ARHGAP42: variants seen among roughly 807,000 people sequenced by gnomAD.
ARHGAP42 encodes the protein rho GTPase-activating protein 42.
A neutral mutation model predicts 125.0 loss-of-function variants in ARHGAP42; 63 were observed. The observed-to-expected ratio is 0.50, with a 90% CI of 0.41 to 0.62. The LOEUF (loss-of-function observed/expected upper bound fraction) is 0.62, where lower values mean the gene tolerates loss of function less well. ARHGAP42 is among the 20% of genes least tolerant of loss of function. The probability of loss-of-function intolerance (pLI) is 0.00; values close to 1 mark genes in which losing one functional copy is unlikely to be tolerated. For synonymous variants in ARHGAP42, 339 were observed against 351.0 expected (o/e 0.97, Z 0.38); for missense variants, 766 against 1,024.2 (o/e 0.75, Z 3.44).
chr11:100,983,979 G>T (rs549860092), intron 22 of ARHGAP42, among the ~76,000 whole-genome samples: 1 of 152,174 alleles, frequency 6.6e-6, no homozygotes, highest in South Asian at 2.1e-4. Flanking sequence ...TAATTGGCAC[G>T]GTGGTGTGCA....
chr11:100,960,066 G>A lies in ARHGAP42; in HGVS notation c.1225+121G>A, dbSNP rs1402857728. 6 of 851,156 alleles carry A rather than the reference G, an allele frequency of 7.0e-6. No individual in the cohort carries two copies. In the Admixed American group the frequency reaches 9.6e-5, roughly 14 times the overall value. 52.7% of individuals were successfully genotyped at this position (851,156 alleles called of 1,614,324 possible). On this transcript the variant is annotated intron_variant, in intron 13 of 23. Coordinates refer to ENST00000298815, the MANE Select transcript of ARHGAP42 (RefSeq NM_152432.4). ...TCATTAACATGGATTAATTTTAAGAGTAATATAAATGTATGTATCGGTATA... is the reference window on the plus strand; with the variant it reads ...TCATTAACATGGATTAATTTTAAGAATAATATAAATGTATGTATCGGTATA...
intron 11 of ARHGAP42, among the ~76,000 whole-genome samples, chr11:100,948,764 T>G (rs1295365178): frequency 1.3e-5 from 2 of 152,086 alleles, no homozygotes; most frequent in Non-Finnish European, 2.9e-5. Flanking sequence ...TTTAAAACCC[T>G]AAAATTACTT....
At chr11:100,850,089 C>A (rs1255563866) in intron 3 of ARHGAP42, among the ~76,000 whole-genome samples, 1 of 152,132 alleles carries the variant, frequency 6.6e-6, no homozygotes, top group Non-Finnish European at 1.5e-5. Flanking sequence ...CAAGAACAAT[C>A]ATCATTATTC....
At chr11:100,962,931 T>G (rs17726649) in intron 16 of ARHGAP42, among the ~76,000 whole-genome samples, 16,216 of 152,224 alleles carry the variant, frequency 0.11, 1,068 homozygotes, top group Non-Finnish European at 0.13. Flanking sequence ...TTATAATGTG[T>G]TTTAGAAGCC....
intron 1 of ARHGAP42, among the ~76,000 whole-genome samples, chr11:100,749,955 T>C (rs1007968808): frequency 6.6e-6 from 1 of 152,168 alleles, no homozygotes; most frequent in Non-Finnish European, 1.5e-5. Context: ...GCTGGCCAGT[T>C]TCTTTCCGCG....
intron 1 of ARHGAP42, among the ~76,000 whole-genome samples, chr11:100,701,729 C>T (rs1282171532): frequency 6.6e-6 from 1 of 152,192 alleles, no homozygotes; most frequent in African/African-American, 2.4e-5. Flanking sequence ...AATATTGTGG[C>T]TGGTTTCATC....
At position 100,974,463 on chromosome 11, in the gene ARHGAP42, T is replaced by C. The variant is rs1295937323; in HGVS notation, c.1715T>C (p.Phe572Ser). The change falls in exon 19 of 24, where the codon TTT (phenylalanine) becomes TCT (serine). Residue 572 changes from phenylalanine (F) to serine (S), a missense_variant. Around this residue, in one of 3 missense-constraint regions of ARHGAP42, gnomAD observed 308 missense variants for 369.7 expected, o/e 0.83. Transcript: ENST00000298815. ...GTCCATTTTTCTTATACGTAGATTT[T>C]TCATACTGCTCCAGACCCAAGCATT... ...EILIEHYEKIFHTAPDPSIPL... is the reference protein window; with the variant it reads ...EILIEHYEKISHTAPDPSIPL... 6.5e-7 allele frequency: 1 copy of C among 1,548,326 alleles called. No individual in the cohort carries two copies. The highest frequency in any genetic ancestry group is 2.0e-5 in the Admixed American group (1 of 50,642).
At chr11:100,723,417 A>G (rs1019958115) in intron 1 of ARHGAP42, among the ~76,000 whole-genome samples, 8 of 152,198 alleles carry the variant, frequency 5.3e-5, no homozygotes, top group African/African-American at 1.9e-4. Flanking sequence ...GAAACATAGA[A>G]TATCTCTCCA....
chr11:100,882,618 A>G (rs2135178808), intron 4 of ARHGAP42, among the ~76,000 whole-genome samples: 1 of 152,046 alleles, frequency 6.6e-6, no homozygotes, highest in East Asian at 1.9e-4. Flanking sequence ...GCCTCATAGA[A>G]TGATTTAAGG....
intron 2 of ARHGAP42, among the ~76,000 whole-genome samples, chr11:100,794,181 A>C (rs922763772): frequency 6.9e-6 from 1 of 145,438 alleles, no homozygotes; most frequent in Non-Finnish European, 1.5e-5. Flanking sequence ...TTAATTATTC[A>C]TTTTAAGCAT....
chr11:100,687,600 C>T lies in ARHGAP42; in HGVS notation c.-79C>T, dbSNP rs554676478. 126 of 1,144,056 alleles carry T rather than the reference C, an allele frequency of 1.1e-4. 2 individuals are homozygous for T. In the African/African-American group the frequency reaches 1.8e-3, roughly 16 times the overall value. The allele number at this position is 1,144,056 out of a possible 1,614,324, so 70.9% of individuals were successfully genotyped here. ...TCCCCGCGATCGCGCGACCCCAGCG[C>T]CCGCCGCGGCCGCCGGCTGCCCCCG... On this transcript the variant is annotated 5_prime_UTR_variant, in exon 1 of 24. Coordinates refer to ENST00000298815, the MANE Select transcript of ARHGAP42 (RefSeq NM_152432.4).
Position 100,918,612 on chromosome 11 carries a change from A to C in ARHGAP42, c.487-2882A>C, listed in dbSNP as rs1591294414. On this transcript the variant is annotated intron_variant, in intron 5 of 23. Transcript: ENST00000298815. ...GTGGATTTATAAGCAAGTGTTTGCT[A>C]GTGAGTCATATGGTGAGCTTAAATA... is the stretch of plus-strand genomic sequence containing the variant. 2.6e-5 allele frequency among the ~76,000 whole-genome samples: 4 copies of C among 152,208 alleles called. No homozygotes were observed. The East Asian group carries it at 7.7e-4, about 29-fold the overall frequency.
rs571100398 is a variant in ARHGAP42, at chr11:100,773,084, G to A, written c.250+2646G>A. ...ACTCCTGACCTCAGGTGATCCACCT[G>A]CCTCAGCCTCCCAAAGTGCTGGGAT... On this transcript the variant is annotated intron_variant, in intron 2 of 23. Transcript: ENST00000298815. 2.2e-4 allele frequency among the ~76,000 whole-genome samples: 33 copies of A among 152,264 alleles called. 1 individual carries two copies. In the South Asian group the frequency reaches 5.4e-3, roughly 25 times the overall value.
rs34682694 is a variant in ARHGAP42, at chr11:100,935,134, A to AT, written c.703-1056dup. Among the ~76,000 whole-genome samples the AT allele has an allele frequency of 2.8e-3, 416 of 146,714 alleles. 2 individuals carry two copies. Among genetic ancestry groups the AT allele is most frequent in the East Asian group, 0.015 (75 of 5,030 alleles). On this transcript the variant is annotated intron_variant, in intron 7 of 23. Coordinates refer to ENST00000298815, the MANE Select transcript of ARHGAP42 (RefSeq NM_152432.4). ...ACAAGAAAATTTTCCTAATTTTGAG[A>AT]TTTTTTTTTTTTTAAAATGGGGAAT...
At chr11:100,875,402 C>T (rs1249751700) in intron 4 of ARHGAP42, among the ~76,000 whole-genome samples, 6 of 152,052 alleles carry the variant, frequency 3.9e-5, no homozygotes, top group Middle Eastern at 3.4e-3. Context: ...GGGGAAAGGA[C>T]GTTGCAATTT....
chr11:100,978,929 T>C lies in ARHGAP42; in HGVS notation c.2394-58T>C. On this transcript the variant is annotated intron_variant, in intron 21 of 23. Coordinates refer to ENST00000298815, the MANE Select transcript of ARHGAP42 (RefSeq NM_152432.4). ...TTAACTGGCAATCATGAATTTCACT[T>C]TGAGCAGAACTGAATGTGATTGACT... 2.6e-6 allele frequency: 4 copies of C among 1,514,400 alleles called. 1 individual carries two copies. The South Asian group carries it at 4.9e-5, about 18-fold the overall frequency. 93.8% of individuals were successfully genotyped at this position (1,514,400 alleles called of 1,614,324 possible). A position where few individuals can be genotyped will look rare whatever the true frequency, so the allele number is the denominator to read the frequency against.
chr11:100,854,930 C>T (rs946582395), intron 3 of ARHGAP42, among the ~76,000 whole-genome samples: 1 of 152,078 alleles, frequency 6.6e-6, no homozygotes, highest in Non-Finnish European at 1.5e-5. Flanking sequence ...GGAAAATAAC[C>T]CATTCTTTTA....
chr11:100,980,447 TC>T (rs1015350217), intron 22 of ARHGAP42, among the ~76,000 whole-genome samples: 1 of 150,892 alleles, frequency 6.6e-6, no homozygotes, highest in African/African-American at 2.4e-5. Context: ...AAAGAGGTAA[TC>T]CCCGTAGAGC....
rs1314194762 is a variant in ARHGAP42 at position 100,991,898 on chromosome 11, G to C, written c.*3097G>C. ...ATGTATTAAAACCCCAAATTATCTAGGTTTCCAAGTAGGAAAAATAAAGAT... is the reference window on the plus strand; with the variant it reads ...ATGTATTAAAACCCCAAATTATCTACGTTTCCAAGTAGGAAAAATAAAGAT... On this transcript the variant is annotated 3_prime_UTR_variant, in exon 24 of 24. Coordinates refer to ENST00000298815, the MANE Select transcript of ARHGAP42 (RefSeq NM_152432.4). The C allele has an allele frequency of 6.4e-6, 1 of 157,072 alleles. No individual in the cohort carries two copies. Among genetic ancestry groups the C allele is most frequent in the Non-Finnish European group, 1.4e-5 (1 of 71,594 alleles). The allele number at this position is 157,072 out of a possible 1,614,324, so 9.7% of individuals were successfully genotyped here. A position where few individuals can be genotyped will look rare whatever the true frequency, so the allele number is the denominator to read the frequency against.
Sources: allele counts gnomAD v4.1 joint callset (sites outside exome capture counted in the v4.1 genomes callset), GRCh38; gene constraint gnomAD v4.1.1; regional missense constraint gnomAD v4.1.1; transcripts MANE v1.5; gene names NCBI Gene and HGNC (gene_info 2026-07-23, HGNC 2026-07-21).